BLTP3A: variants seen among roughly 807,000 people sequenced by gnomAD.
BLTP3A encodes the protein ICBP90 binding protein 1.
At chr6:34,862,827 C>A in the BLTP3A span, among the ~76,000 whole-genome samples, 1 of 146,164 alleles carries the variant, frequency 6.8e-6, no homozygotes, top group South Asian at 2.2e-4. Context: ...CAGTGAGACT[C>A]CATCTCAAAA....
chr6:34,858,465 G>A, the BLTP3A span: 4 of 1,614,046 alleles, frequency 2.5e-6, no homozygotes, highest in South Asian at 4.4e-5. Context: ...AGATCTCCTT[G>A]GACTTTGAGG....
chr6:34,862,487 G>T, the BLTP3A span, among the ~76,000 whole-genome samples: 1 of 152,134 alleles, frequency 6.6e-6, no homozygotes, highest in Non-Finnish European at 1.5e-5. Flanking sequence ...TTTCAGGTTT[G>T]TAACAGTCTG....
the BLTP3A span, chr6:34,856,373 C>T: frequency 1.9e-6 from 3 of 1,614,154 alleles, no homozygotes; most frequent in South Asian, 1.1e-5. Flanking sequence ...ACCACCCTGG[C>T]ACCTTGGAGT....
At chr6:34,803,062 G>T in the BLTP3A span, among the ~76,000 whole-genome samples, 1 of 151,858 alleles carries the variant, frequency 6.6e-6, no homozygotes, top group Non-Finnish European at 1.5e-5. Flanking sequence ...TGTGTTTGTC[G>T]TAGTCCCAGC....
At chr6:34,858,217 C>T in the BLTP3A span, 21 of 1,614,172 alleles carry the variant, frequency 1.3e-5, 1 homozygote, top group South Asian at 6.6e-5. Context: ...CACCAATACA[C>T]GTCATGCTCC....
the BLTP3A span, among the ~76,000 whole-genome samples, chr6:34,795,558 C>T: frequency 1.9e-4 from 29 of 149,342 alleles, no homozygotes; most frequent in East Asian, 5.1e-3. Flanking sequence ...CCACCACACC[C>T]GGCTGATTTT....
the BLTP3A span, chr6:34,823,185 C>A: frequency 7.7e-7 from 1 of 1,305,894 alleles, no homozygotes; most frequent in Non-Finnish European, 1.1e-6. Flanking sequence ...AGATGAATGA[C>A]ACAGTCTGTG....
chr6:34,870,816 C>T, the BLTP3A span: 1 of 1,604,904 alleles, frequency 6.2e-7, no homozygotes, highest in Non-Finnish European at 8.5e-7. Context: ...GACTCCCTGG[C>T]CGTTAATTAG....
the BLTP3A span, chr6:34,858,153 G>A: frequency 1.9e-6 from 3 of 1,613,728 alleles, no homozygotes; most frequent in East Asian, 6.7e-5. Context: ...AGAGAGAGCG[G>A]GCAGAGTTGC....
chr6:34,867,478 G>C, the BLTP3A span: 2 of 1,614,114 alleles, frequency 1.2e-6, no homozygotes, highest in South Asian at 2.2e-5. Flanking sequence ...CTCAGTTCTG[G>C]TCCTGAAGGT....
At chr6:34,826,279 C>T in the BLTP3A span, among the ~76,000 whole-genome samples, 1 of 152,014 alleles carries the variant, frequency 6.6e-6, no homozygotes, top group Non-Finnish European at 1.5e-5. Context: ...GGCTTGGCCT[C>T]CCAAAGTGCT....
the BLTP3A span, among the ~76,000 whole-genome samples, chr6:34,810,957 C>G: frequency 1.3e-5 from 2 of 152,148 alleles, no homozygotes. Flanking sequence ...GCATTCATGA[C>G]ATACCTAACC....
At chr6:34,859,082 C>G in the BLTP3A span, 11 of 1,614,206 alleles carry the variant, frequency 6.8e-6, 1 homozygote, top group East Asian at 8.9e-5. Flanking sequence ...TCAGAGCTAT[C>G]TCCTTCAGAG....
At chr6:34,875,168 C>A in the BLTP3A span, 1 of 152,736 alleles carries the variant, frequency 6.5e-6, no homozygotes. Context: ...GGAATCCTTG[C>A]ATGACGGCCT....
At chr6:34,821,686 C>T in the BLTP3A span, 2 of 1,613,800 alleles carry the variant, frequency 1.2e-6, no homozygotes, top group African/African-American at 2.7e-5. Context: ...ACAAAATCAA[C>T]CTGAGCACCC....
At chr6:34,852,457 A>G in the BLTP3A span, among the ~76,000 whole-genome samples, 1 of 152,118 alleles carries the variant, frequency 6.6e-6, no homozygotes, top group East Asian at 1.9e-4. Flanking sequence ...TGGGGGCCTC[A>G]AGACTCTGCC....
chr6:34,811,175 CATT>C, the BLTP3A span, among the ~76,000 whole-genome samples: 1 of 152,190 alleles, frequency 6.6e-6, no homozygotes, highest in East Asian at 1.9e-4. Flanking sequence ...CGGGCTGACT[CATT>C]ATTGTTGATA....
the BLTP3A span, chr6:34,821,901 T>C: frequency 1.5e-5 from 24 of 1,614,244 alleles, no homozygotes; most frequent in Non-Finnish European, 1.5e-5. Context: ...CCTGAGACTT[T>C]GCTTTCCTCT....
chr6:34,827,701 G>A, the BLTP3A span, among the ~76,000 whole-genome samples: 5 of 152,052 alleles, frequency 3.3e-5, no homozygotes, highest in Non-Finnish European at 5.9e-5. Flanking sequence ...GCACCATCTC[G>A]GCTCACTGCA....
Sources: allele counts gnomAD v4.1 joint callset (sites outside exome capture counted in the v4.1 genomes callset), GRCh38; gene constraint gnomAD v4.1.1; transcripts MANE v1.5; gene names NCBI Gene and HGNC (gene_info 2026-07-23, HGNC 2026-07-21).